Variants in EARS2 observed in about 807,000 individuals in gnomAD.
EARS2 encodes the protein nondiscriminating glutamyl-tRNA synthetase EARS2, mitochondrial.
In EARS2, 50 loss-of-function variants were observed where a neutral mutation model predicts 54.1. The ratio of observed to expected loss-of-function variants is 0.92; its 90% CI spans 0.74 to 1.17. The LOEUF (loss-of-function observed/expected upper bound fraction) is 1.17, where lower values mean the gene tolerates loss of function less well. Among genes scored for constraint, EARS2 ranks in the 50% most tolerant of loss-of-function variants. The probability of loss-of-function intolerance (pLI) is 0.00; values close to 1 mark genes in which losing one functional copy is unlikely to be tolerated. For synonymous variants in EARS2, 298 were observed against 281.0 expected, an observed-to-expected ratio of 1.06 and a Z score of -0.61; for missense variants, 673 against 675.0, an observed-to-expected ratio of 1.00 and a Z score of 0.03.
At chr16:23,542,800 T>C (rs1161341674) in intron 3 of EARS2, among the ~76,000 whole-genome samples, 2 of 151,944 alleles carry the variant, frequency 1.3e-5, no homozygotes, top group African/African-American at 4.8e-5. Flanking sequence ...ACAAAAATAA[T>C]GCCAAATATG....
chr16:23,532,594 G>T, intron 5 of EARS2, 63 bp downstream of exon 5: 2 of 1,244,408 alleles, frequency 1.6e-6, no homozygotes, highest in Non-Finnish European at 2.3e-6. Context: ...ACCCTCTGCT[G>T]TAGGGATCAT....
chr16:23,552,656 CAT>C (rs1269788070), intron 1 of EARS2, among the ~76,000 whole-genome samples: 2 of 152,216 alleles, frequency 1.3e-5, no homozygotes, highest in East Asian at 1.9e-4. Flanking sequence ...CGTCCAGCTA[CAT>C]GTTTGTATTT....
chr16:23,529,677 G>C (rs749812712), intron 6 of EARS2, 45 bp from the exon 7 acceptor site: 1 of 1,612,938 alleles, frequency 6.2e-7, no homozygotes, highest in East Asian at 2.2e-5. Context: ...ACAGGGCTCT[G>C]GAAGGCAGGA....
At chr16:23,532,590 T>C in intron 5 of EARS2, 67 bp downstream of exon 5, 1 of 1,194,010 alleles carries the variant, frequency 8.4e-7, no homozygotes. Context: ...TTATACCCTC[T>C]GCTGTAGGGA....
chr16:23,554,170 C>T (rs986344068), intron 1 of EARS2, among the ~76,000 whole-genome samples: 15 of 151,770 alleles, frequency 9.9e-5, no homozygotes, highest in Admixed American at 4.6e-4. Context: ...CCACCATGCC[C>T]GGCTAATATT....
At chr16:23,529,713 C>G (rs746276824) in intron 6 of EARS2, 31 bp downstream of exon 6, 31 of 1,613,344 alleles carry the variant, frequency 1.9e-5, no homozygotes, top group Non-Finnish European at 2.5e-5. Flanking sequence ...AGTAACCCCT[C>G]CCTCAGCTTC....
intron 8 of EARS2, among the ~76,000 whole-genome samples, 193 bp from the exon 9 acceptor site, chr16:23,524,647 T>C (rs1378670885): frequency 3.6e-5 from 4 of 110,192 alleles, no homozygotes; most frequent in Admixed American, 1.7e-4. Context: ...ACCACCGCCC[T>C]TTTTTTTTTT....
At chr16:23,525,108 G>C in intron 8 of EARS2, 136 bp downstream of exon 8, 2 of 1,186,888 alleles carry the variant, frequency 1.7e-6, no homozygotes, top group Non-Finnish European at 2.5e-6. Flanking sequence ...TCTGTTGATT[G>C]ACTAAATGAG....
rs1004940527 is a variant in EARS2, at chr16:23,522,999, A to G, written c.*1372T>C. ...CATGACCTGGAAGCTGGCTTCCCCCAAAGTAAGCGATCAAAGAAAACAAGA... is the reference window on the plus strand; with the variant it reads ...CATGACCTGGAAGCTGGCTTCCCCCGAAGTAAGCGATCAAAGAAAACAAGA... On this transcript the variant is annotated 3_prime_UTR_variant, in exon 9 of 9. Coordinates refer to ENST00000449606, the MANE Select transcript of EARS2 (RefSeq NM_001083614.2). The G allele has an allele frequency of 2.6e-5, 4 of 152,218 alleles. No individual in the cohort carries two copies. The highest frequency in any genetic ancestry group is 9.6e-5 in the African/African-American group (4 of 41,468). 9.4% of individuals were successfully genotyped at this position (152,218 alleles called of 1,614,324 possible).
Position 23,522,014 on chromosome 16 carries a change from CAT to C in EARS2, c.*2355_*2356del. On this transcript the variant is annotated 3_prime_UTR_variant, in exon 9 of 9. Transcript: ENST00000449606. ...CAGAAAAAAAAAATACTGCTTCTCT[CAT>C]AGTGTTATAAAAAAAATTTACTGAG... The C allele has an allele frequency of 2.9e-6, 1 of 340,896 alleles. No homozygotes were observed. Among genetic ancestry groups the C allele is most frequent in the Non-Finnish European group, 5.8e-6 (1 of 171,834 alleles). The allele number at this position is 340,896 out of a possible 1,614,324, so 21.1% of individuals were successfully genotyped here.
chr16:23,550,673 G>A (rs898795676), intron 2 of EARS2: 4 of 152,140 alleles, frequency 2.6e-5, no homozygotes, highest in Non-Finnish European at 4.4e-5. Context: ...TCCTGACCTC[G>A]TGATGCACCA....
At chr16:23,547,267 A>T (rs1475111456) in intron 2 of EARS2, among the ~76,000 whole-genome samples, 1 of 152,204 alleles carries the variant, frequency 6.6e-6, no homozygotes, top group Non-Finnish European at 1.5e-5. Flanking sequence ...ATATTATATG[A>T]TCTCATTCAT....
intron 2 of EARS2, chr16:23,545,367 C>G (rs528505667): frequency 5.9e-5 from 9 of 152,346 alleles, no homozygotes; most frequent in African/African-American, 2.2e-4. Flanking sequence ...GAGAACAGCC[C>G]ATCAGGCCCT....
chr16:23,553,801 C>T (rs1965733658), intron 1 of EARS2, among the ~76,000 whole-genome samples: 1 of 151,232 alleles, frequency 6.6e-6, no homozygotes, highest in Admixed American at 6.6e-5. Context: ...GAGGTTGAGG[C>T]AGGAGAACTG....
rs1157615107 is a variant in EARS2 at position 23,522,630 on chromosome 16, G to A, written c.*1741C>T. The A allele has an allele frequency of 2.6e-5, 4 of 152,116 alleles. No homozygotes were observed. Among genetic ancestry groups the A allele is most frequent in the Non-Finnish European group, 4.4e-5 (3 of 68,020 alleles). The allele number at this position is 152,116 out of a possible 1,614,324, so 9.4% of individuals were successfully genotyped here. On this transcript the variant is annotated 3_prime_UTR_variant, in exon 9 of 9. Transcript: ENST00000449606. The stretch of plus-strand genomic sequence containing the variant: ...TTTAAGCAAAGACTAGGACTCTATG[G>A]GGCTCAACAAACTCTGTAATCGCCT...
chr16:23,541,237 G>T (rs1464582484), intron 3 of EARS2, among the ~76,000 whole-genome samples: 1 of 151,870 alleles, frequency 6.6e-6, no homozygotes, highest in East Asian at 1.9e-4. Flanking sequence ...TGAGGCCAGA[G>T]AATCACTTGA....
intron 2 of EARS2, among the ~76,000 whole-genome samples, chr16:23,547,528 C>T (rs1555504351): frequency 1.3e-5 from 2 of 152,056 alleles, no homozygotes; most frequent in Non-Finnish European, 2.9e-5. Context: ...TCCCCGAAGA[C>T]AGAGTCTAGC....
chr16:23,540,436 G>A (rs1429505969), intron 3 of EARS2, among the ~76,000 whole-genome samples: 2 of 152,228 alleles, frequency 1.3e-5, no homozygotes, highest in Non-Finnish European at 1.5e-5. Context: ...CACTGGAACT[G>A]CAATGTAAAT....
At chr16:23,531,680 A>G (rs1211557400) in intron 5 of EARS2, among the ~76,000 whole-genome samples, 1 of 152,228 alleles carries the variant, frequency 6.6e-6, no homozygotes, top group African/African-American at 2.4e-5. Context: ...TAGCCCTAAA[A>G]TATCTGCAAC....
Sources: allele counts gnomAD v4.1 joint callset (sites outside exome capture counted in the v4.1 genomes callset), GRCh38; gene constraint gnomAD v4.1.1; transcripts MANE v1.5; gene names NCBI Gene and HGNC (gene_info 2026-07-23, HGNC 2026-07-21).